The following BCO2 variants were observed in gnomAD, a reference collection of about 807,000 sequenced individuals.
The protein encoded by BCO2 is carotenoid-cleaving dioxygenase, mitochondrial.
A neutral mutation model predicts 65.8 loss-of-function variants in BCO2; 56 were observed. That is an observed-to-expected ratio of 0.85 (90% CI 0.69 to 1.06). The LOEUF (loss-of-function observed/expected upper bound fraction) is 1.06. Ranked by LOEUF, BCO2 falls within the 50% of genes least tolerant of loss-of-function variation. BCO2 has a pLI of 0.00. For missense variants in BCO2, 675 were observed against 698.5 expected (o/e 0.97, Z 0.38); for synonymous variants, 233 against 242.3 (o/e 0.96, Z 0.36).
chr11:112,204,284 C>T (rs1251845669), intron 8 of BCO2, among the ~76,000 whole-genome samples: 2 of 152,162 alleles, frequency 1.3e-5, no homozygotes, highest in Admixed American at 6.5e-5. Flanking sequence ...GTGTATATAT[C>T]ACATTTTCTT....
intron 6 of BCO2, 106 bp downstream of exon 6, chr11:112,199,933 G>A (rs1867684831): frequency 1.5e-6 from 2 of 1,365,068 alleles, no homozygotes; most frequent in Admixed American, 2.0e-5. Context: ...ACGCTATGGT[G>A]ATAATGAGAC....
chr11:112,213,690 T>C (rs770722502), intron 8 of BCO2, 34 bp from the exon 9 acceptor site: 4 of 1,603,604 alleles, frequency 2.5e-6, no homozygotes, highest in Non-Finnish European at 2.6e-6. Context: ...ACCATATGAA[T>C]GACAATTTTC....
rs71060229 is a variant in BCO2, at chr11:112,192,925, G to GTTTTT, written c.294-535_294-531dup. On this transcript the variant is annotated intron_variant, in intron 2 of 11. Transcript: ENST00000357685. The stretch of plus-strand genomic sequence containing the variant: ...CAATAGGGGTTTTCTAAAATGTGAG[G>GTTTTT]TTTTTTTTTTTTTTTTTTGACAGGG... Among the ~76,000 whole-genome samples the GTTTTT allele has an allele frequency of 2.8e-3, 101 of 36,654 alleles. 8 individuals are homozygous for GTTTTT. Among genetic ancestry groups the GTTTTT allele is most frequent in the African/African-American group, 9.7e-3 (92 of 9,526 alleles). 24.0% of individuals were successfully genotyped at this position (36,654 alleles called of 152,430 possible). A position where few individuals can be genotyped will look rare whatever the true frequency, so the allele number is the denominator to read the frequency against.
rs1049676334 is a variant in BCO2, at chr11:112,183,216, T to G, written c.293+3734T>G. On this transcript the variant is annotated intron_variant, in intron 2 of 11. Coordinates refer to ENST00000357685, the MANE Select transcript of BCO2 (RefSeq NM_031938.7). ...AGAAATTTTAGGGACTGGAGGAAGA[T>G]CTACAAGATGAAAATATTTTCCTTA... 21 of 794,406 alleles carry G rather than the reference T, an allele frequency of 2.6e-5. No homozygotes were observed. In the East Asian group the frequency reaches 4.9e-4, roughly 18 times the overall value. The allele number at this position is 794,406 out of a possible 1,614,324, so 49.2% of individuals were successfully genotyped here.
In BCO2 at chr11:112,193,709, G is replaced by T; in HGVS notation, c.517+12G>T. The T allele has an allele frequency of 6.2e-7, 1 of 1,602,580 alleles. No individual in the cohort carries two copies. The highest frequency in any genetic ancestry group is 1.1e-5 in the South Asian group (1 of 90,290). On this transcript the variant is annotated intron_variant, in intron 3 of 11. Transcript: ENST00000357685. Reference sequence around the variant, plus strand: ...TGGTAAAGCTGCAGGTGATAGTGATGATTATTTAAACTATTACGATATATA... The same window carrying T: ...TGGTAAAGCTGCAGGTGATAGTGATTATTATTTAAACTATTACGATATATA...
chr11:112,206,759 A>G (rs1859353461), intron 8 of BCO2, among the ~76,000 whole-genome samples: 1 of 152,346 alleles, frequency 6.6e-6, no homozygotes, highest in African/African-American at 2.4e-5. Flanking sequence ...TTTGCAAGGA[A>G]AAAACCTGAT....
intron 2 of BCO2, among the ~76,000 whole-genome samples, chr11:112,191,677 T>A (rs1446377555): frequency 6.6e-6 from 1 of 152,088 alleles, no homozygotes; most frequent in Non-Finnish European, 1.5e-5. Context: ...AACAATAAAT[T>A]TTTTTTCAGA....
chr11:112,195,819 T>C (rs970020817), intron 5 of BCO2, among the ~76,000 whole-genome samples: 1 of 152,232 alleles, frequency 6.6e-6, no homozygotes, highest in Non-Finnish European at 1.5e-5. Context: ...TAATCTGGAA[T>C]GTAGATAGAA....
chr11:112,181,039 G>C (rs2135347481), intron 2 of BCO2: 9 of 1,473,270 alleles, frequency 6.1e-6, no homozygotes, highest in Non-Finnish European at 8.5e-6. Flanking sequence ...TCCACACAGA[G>C]TGGCTGACAT....
intron 8 of BCO2, among the ~76,000 whole-genome samples, chr11:112,205,862 G>A (rs995058262): frequency 2.0e-5 from 3 of 152,166 alleles, no homozygotes; most frequent in Non-Finnish European, 4.4e-5. Flanking sequence ...GCCTCCCAAA[G>A]TGCTGGGATT....
chr11:112,188,327 C>G (rs184349519), intron 2 of BCO2, among the ~76,000 whole-genome samples: 1 of 152,332 alleles, frequency 6.6e-6, no homozygotes, highest in Non-Finnish European at 1.5e-5. Context: ...CCTTTGCTCA[C>G]TGGTGCTGCT....
intron 8 of BCO2, among the ~76,000 whole-genome samples, chr11:112,210,643 T>G (rs1225787725): frequency 6.6e-6 from 1 of 152,120 alleles, no homozygotes; most frequent in African/African-American, 2.4e-5. Context: ...GGCTATACCC[T>G]TATCAAAAAG....
chr11:112,193,454 T>G lies in BCO2; in HGVS notation c.294-20T>G. The G allele has an allele frequency of 6.3e-7, 1 of 1,599,072 alleles. No homozygotes were observed. Among genetic ancestry groups the G allele is most frequent in the Non-Finnish European group, 8.6e-7 (1 of 1,167,236 alleles). ...CTCATGTTTTCTTACTGATATTTAT[T>G]TATTTTCTCCTGTTTGAAGGTACAA... On this transcript the variant is annotated intron_variant, in intron 2 of 11. Transcript: ENST00000357685.
intron 8 of BCO2, among the ~76,000 whole-genome samples, chr11:112,203,946 C>T (rs529357738): frequency 3.0e-4 from 46 of 152,162 alleles, no homozygotes; most frequent in Non-Finnish European, 2.6e-4. Context: ...CCTCTGCTCC[C>T]GGGTTCAAGT....
chr11:112,197,052 A>G (rs373075210), intron 5 of BCO2, among the ~76,000 whole-genome samples: 7 of 150,892 alleles, frequency 4.6e-5, no homozygotes, highest in African/African-American at 1.7e-4. Flanking sequence ...TATGTCGCTC[A>G]GGCTGGACTT....
chr11:112,207,499 G>A (rs1376856278), intron 8 of BCO2, among the ~76,000 whole-genome samples: 1 of 152,124 alleles, frequency 6.6e-6, no homozygotes, highest in Non-Finnish European at 1.5e-5. Context: ...GCATTATTCT[G>A]TTTCTGGACT....
At chr11:112,187,327 A>G (rs1322452511) in intron 2 of BCO2, among the ~76,000 whole-genome samples, 1 of 151,876 alleles carries the variant, frequency 6.6e-6, no homozygotes, top group Non-Finnish European at 1.5e-5. Context: ...TTTCAGTCCT[A>G]GATTAGCCCA....
chr11:112,195,669 C>A (rs1867551285), intron 5 of BCO2, among the ~76,000 whole-genome samples: 1 of 151,994 alleles, frequency 6.6e-6, no homozygotes, highest in Non-Finnish European at 1.5e-5. Context: ...GTCTTGAACT[C>A]CTGACCTCAA....
At chr11:112,187,510 C>CCGCAAGT (rs1443631172) in intron 2 of BCO2, among the ~76,000 whole-genome samples, 1 of 150,798 alleles carries the variant, frequency 6.6e-6, no homozygotes, top group Non-Finnish European at 1.5e-5. Flanking sequence ...ACAGGGTCTG[C>CCGCAAGT]CGCAAGTCTC....
Sources: allele counts gnomAD v4.1 joint callset (sites outside exome capture counted in the v4.1 genomes callset), GRCh38; gene constraint gnomAD v4.1.1; transcripts MANE v1.5; gene names NCBI Gene and HGNC (gene_info 2026-07-23, HGNC 2026-07-21).